Variants in DPYD observed in about 807,000 individuals in gnomAD.
The protein encoded by DPYD is dihydropyrimidine dehydrogenase.
Under a neutral mutation model 116.2 loss-of-function variants are expected in DPYD, and 109 were observed. That is an observed-to-expected ratio of 0.94 (90% confidence interval 0.80 to 1.10). The LOEUF (loss-of-function observed/expected upper bound fraction) is 1.10. Ranked by LOEUF, DPYD falls within the 50% of genes least tolerant of loss-of-function variation. DPYD has a pLI of 0.00. For synonymous variants in DPYD, 440 were observed against 432.0 expected (o/e 1.02, Z -0.23); for missense variants, 1,302 against 1,254.5 (o/e 1.04, Z -0.57).
chr1:97,202,767 A>C (rs1659299051), intron 19 of DPYD, among the ~76,000 whole-genome samples: 1 of 152,146 alleles, frequency 6.6e-6, no homozygotes, highest in Admixed American at 6.6e-5. Flanking sequence ...AGTGAGCTCT[A>C]ACTGGACTCA....
At chr1:97,849,709 G>C (rs1670481943) in intron 2 of DPYD, among the ~76,000 whole-genome samples, 1 of 152,018 alleles carries the variant, frequency 6.6e-6, no homozygotes, top group Non-Finnish European at 1.5e-5. Flanking sequence ...AATAAAGGAA[G>C]ATATTTGATT....
At chr1:97,366,882 T>C (rs1671067152) in intron 16 of DPYD, among the ~76,000 whole-genome samples, 1 of 152,142 alleles carries the variant, frequency 6.6e-6, no homozygotes, top group Non-Finnish European at 1.5e-5. Context: ...CTCTAACCTT[T>C]GGGATTTCTT....
intron 13 of DPYD, among the ~76,000 whole-genome samples, chr1:97,475,253 A>G (rs182212178): frequency 1.3e-5 from 2 of 152,308 alleles, no homozygotes; most frequent in South Asian, 2.1e-4. Context: ...AGTGAAAAAC[A>G]AAGTTAAATC....
intron 14 of DPYD, among the ~76,000 whole-genome samples, chr1:97,432,692 G>A (rs1675252295): frequency 6.6e-6 from 1 of 152,022 alleles, no homozygotes; most frequent in African/African-American, 2.4e-5. Flanking sequence ...CTGTAAAAGA[G>A]CAGTAGAAAT....
At chr1:97,718,077 TC>T (rs1409612119) in intron 5 of DPYD, among the ~76,000 whole-genome samples, 6 of 152,050 alleles carry the variant, frequency 3.9e-5, no homozygotes, top group African/African-American at 1.4e-4. Flanking sequence ...CTAGTTTACT[TC>T]CCACCAGCAA....
chr1:97,508,873 C>T (rs1647563393), intron 13 of DPYD, among the ~76,000 whole-genome samples: 1 of 151,924 alleles, frequency 6.6e-6, no homozygotes, highest in Admixed American at 6.6e-5. Flanking sequence ...TATTGTGCAA[C>T]TTCCGAGCCT....
chr1:97,090,204 G>C (rs890473435), intron 21 of DPYD, among the ~76,000 whole-genome samples: 1 of 152,070 alleles, frequency 6.6e-6, no homozygotes, highest in Non-Finnish European at 1.5e-5. Flanking sequence ...TTTGAATACT[G>C]TGCTTTGCAA....
intron 16 of DPYD, among the ~76,000 whole-genome samples, chr1:97,327,756 T>C (rs536868235): frequency 6.8e-6 from 1 of 147,722 alleles, no homozygotes; most frequent in Admixed American, 6.8e-5. Context: ...CCTATTTTAC[T>C]TAATTATTTA....
At chr1:97,604,552 C>T (rs531360857) in intron 8 of DPYD, among the ~76,000 whole-genome samples, 44 of 151,140 alleles carry the variant, frequency 2.9e-4, no homozygotes, top group Non-Finnish European at 4.9e-4. Flanking sequence ...ACTGTAATTT[C>T]ATAAGTTTTC....
chr1:97,920,828 C>G (rs1674481210), intron 1 of DPYD, 56 bp downstream of exon 1: 1 of 1,561,766 alleles, frequency 6.4e-7, no homozygotes, highest in Non-Finnish European at 8.7e-7. Flanking sequence ...GGCACCTACC[C>G]GCAGAGCACT....
chr1:97,665,989 G>A (rs2100881094), intron 8 of DPYD, among the ~76,000 whole-genome samples: 1 of 152,234 alleles, frequency 6.6e-6, no homozygotes, highest in East Asian at 1.9e-4. Context: ...TTTTATAGAA[G>A]TCCTAGCCTA....
chr1:97,383,611 A>G (rs113549556), intron 14 of DPYD, among the ~76,000 whole-genome samples: 1 of 152,232 alleles, frequency 6.6e-6, no homozygotes, highest in Non-Finnish European at 1.5e-5. Flanking sequence ...ATCATTCCCA[A>G]TGTTATTCTC....
chr1:97,709,420 T>A (rs1662161181), intron 5 of DPYD, among the ~76,000 whole-genome samples: 2 of 151,860 alleles, frequency 1.3e-5, no homozygotes. Flanking sequence ...TTTTACTTTT[T>A]AAATTTTTTA....
intron 3 of DPYD, among the ~76,000 whole-genome samples, chr1:97,819,051 T>A (rs1668782183): frequency 6.6e-6 from 1 of 152,006 alleles, no homozygotes; most frequent in Admixed American, 6.6e-5. Context: ...TGCACTTTTG[T>A]CTTTTGATTT....
intron 18 of DPYD, among the ~76,000 whole-genome samples, chr1:97,292,062 G>T (rs1300514127): frequency 2.0e-5 from 3 of 151,992 alleles, no homozygotes; most frequent in Non-Finnish European, 2.9e-5. Context: ...AAAGTTGCAT[G>T]TATCAGAATC....
At chr1:97,330,039 T>C (rs1668910062) in intron 16 of DPYD, among the ~76,000 whole-genome samples, 1 of 152,096 alleles carries the variant, frequency 6.6e-6, no homozygotes, top group Non-Finnish European at 1.5e-5. Flanking sequence ...TTCGTTATTA[T>C]GTATATATGT....
chr1:97,271,859 ACTCTGTT>A (rs1664601831), intron 18 of DPYD, among the ~76,000 whole-genome samples: 1 of 151,992 alleles, frequency 6.6e-6, no homozygotes, highest in African/African-American at 2.4e-5. Flanking sequence ...TTTGACATTC[ACTCTGTT>A]CTTCTCCCTG....
At chr1:97,159,647 G>A (rs1035996418) in intron 20 of DPYD, among the ~76,000 whole-genome samples, 2 of 152,028 alleles carry the variant, frequency 1.3e-5, no homozygotes, top group Non-Finnish European at 2.9e-5. Flanking sequence ...TAATATGTAG[G>A]AAGTAAGTTG....
chr1:97,838,742 G>T (rs894012776), intron 2 of DPYD, among the ~76,000 whole-genome samples: 1 of 152,188 alleles, frequency 6.6e-6, no homozygotes, highest in Non-Finnish European at 1.5e-5. Context: ...GTACTTGGGA[G>T]GCTGAGGCAG....
Sources: allele counts gnomAD v4.1 joint callset (sites outside exome capture counted in the v4.1 genomes callset), GRCh38; gene constraint gnomAD v4.1.1; transcripts MANE v1.5; gene names NCBI Gene and HGNC (gene_info 2026-07-23, HGNC 2026-07-21).